NAP1L1: variants seen among roughly 807,000 people sequenced by gnomAD.
NAP1L1 encodes the protein nucleosome assembly protein 1 like 1.
NAP1L1 carries 9 observed loss-of-function variants against 58.9 expected under a neutral mutation model. The ratio of observed to expected loss-of-function variants is 0.15; its 90% CI spans 0.09 to 0.27. The LOEUF (loss-of-function observed/expected upper bound fraction) is 0.27, where lower values mean the gene tolerates loss of function less well. NAP1L1 is among the 10% of genes least tolerant of loss of function. The pLI is 1.00. For synonymous variants in NAP1L1, 130 were observed against 138.3 expected (o/e 0.94, Z 0.42); for missense variants, 302 against 458.8 (o/e 0.66, Z 3.12).
chr12:76,069,134 C>A, intron 2 of NAP1L1, 140 bp from the exon 3 acceptor site: 1 of 643,322 alleles, frequency 1.6e-6, no homozygotes, highest in Non-Finnish European at 2.7e-6. Context: ...ATTCCGTTTT[C>A]TAACTTCATA....
At chr12:76,057,339 A>G in intron 6 of NAP1L1, 1 of 363,952 alleles carries the variant, frequency 2.7e-6, no homozygotes, top group Non-Finnish European at 5.2e-6. Context: ...TTTTGAGTAC[A>G]GATGGTGGTG....
At chr12:76,072,339 A>G (rs1949993654) in intron 2 of NAP1L1, among the ~76,000 whole-genome samples, 1 of 151,784 alleles carries the variant, frequency 6.6e-6, no homozygotes, top group African/African-American at 2.4e-5. Flanking sequence ...AGAACGAAGC[A>G]GGTCTTGGAA....
Position 76,048,258 on chromosome 12 carries a change from G to C in NAP1L1, c.*171C>G, listed in dbSNP as rs1455373585. 3 of 606,602 alleles carry C rather than the reference G, an allele frequency of 4.9e-6. No individual in the cohort carries two copies. The Admixed American group carries it at 1.0e-4, about 20-fold the overall frequency. The allele number at this position is 606,602 out of a possible 1,614,324, so 37.6% of individuals were successfully genotyped here. ...TTCAACATAGCTGGCAGAAAAACTAGTTAAAATGCTAGGTAGAACAAATTG... is the reference window on the plus strand; with the variant it reads ...TTCAACATAGCTGGCAGAAAAACTACTTAAAATGCTAGGTAGAACAAATTG... On this transcript the variant is annotated 3_prime_UTR_variant, in exon 15 of 15. Transcript: ENST00000618691.
chr12:76,060,024 C>T (rs1444211255), intron 5 of NAP1L1, 114 bp downstream of exon 5: 1 of 1,256,442 alleles, frequency 8.0e-7, no homozygotes, highest in Admixed American at 2.4e-5. Flanking sequence ...CAAGTGCTGC[C>T]TCTAATAACA....
At chr12:76,065,543 A>C (rs1949622211) in intron 4 of NAP1L1, among the ~76,000 whole-genome samples, 1 of 152,014 alleles carries the variant, frequency 6.6e-6, no homozygotes, top group Non-Finnish European at 1.5e-5. Context: ...AAAAAAAAAA[A>C]AAACAGCAAT....
intron 6 of NAP1L1, chr12:76,057,670 GAAT>G (rs1389701473): frequency 3.3e-5 from 48 of 1,462,666 alleles, no homozygotes; most frequent in South Asian, 3.1e-4. Context: ...AGAGTACTGT[GAAT>G]ATATGCCTGA....
In NAP1L1 at chr12:76,050,637, G is replaced by C; in HGVS notation, c.953C>G (p.Ala318Gly). 1 of 1,604,720 alleles carries C rather than the reference G, an allele frequency of 6.2e-7. No homozygotes were observed. The highest frequency in any genetic ancestry group is 8.5e-7 in the Non-Finnish European group (1 of 1,177,686). The stretch of plus-strand genomic sequence containing the variant: ...AATTTCGAAGTCTGCAGCAAGGATA[G>C]CTTCAGCATCATCATCCTATTTTTA... ...ESGDLDDDAE[A>G]ILAADFEIGH... is the part of the protein sequence containing the mutation. The change falls in exon 12 of 15, where the codon GCT becomes GGT. Residue 318 changes from alanine to glycine, a missense_variant. Physicochemically the swap from Ala to Gly is moderately conservative, Grantham distance 60. Coordinates refer to ENST00000618691, the MANE Select transcript of NAP1L1 (RefSeq NM_004537.7).
chr12:76,070,732 T>A (rs2137067862), intron 2 of NAP1L1, among the ~76,000 whole-genome samples: 1 of 152,328 alleles, frequency 6.6e-6, no homozygotes, highest in South Asian at 2.1e-4. Context: ...GAAACCTCCC[T>A]ACCAAAATCC....
chr12:76,052,462 A>G (rs1948887925), intron 11 of NAP1L1, among the ~76,000 whole-genome samples: 1 of 152,244 alleles, frequency 6.6e-6, no homozygotes. Flanking sequence ...AGTCTTAGCC[A>G]AGAGTATTCC....
chr12:76,046,237 T>C lies in NAP1L1; in HGVS notation c.*2192A>G, dbSNP rs548744072. ...GGTTACATACTTCAAATTTCTAGAA[T>C]GGAATGGAATCATTTTGGAACTGGA... is the stretch of plus-strand genomic sequence containing the variant. On this transcript the variant is annotated 3_prime_UTR_variant, in exon 15 of 15. Coordinates refer to ENST00000618691, the MANE Select transcript of NAP1L1 (RefSeq NM_004537.7). The C allele has an allele frequency of 7.2e-5, 11 of 152,274 alleles. No individual in the cohort carries two copies. The highest frequency in any genetic ancestry group is 1.5e-4 in the Non-Finnish European group (10 of 67,902). The allele number at this position is 152,274 out of a possible 1,614,324, so 9.4% of individuals were successfully genotyped here.
intron 1 of NAP1L1, among the ~76,000 whole-genome samples, chr12:76,077,237 T>C (rs1209208124): frequency 6.6e-6 from 1 of 152,200 alleles, no homozygotes; most frequent in Non-Finnish European, 1.5e-5. Flanking sequence ...TACAGAACAT[T>C]AACAGGAGGC....
At position 76,037,699 on chromosome 12, in the gene NAP1L1, C is replaced by A. The variant is rs745496363; in HGVS notation, c.*10730G>T. On this transcript the variant is annotated 3_prime_UTR_variant, in exon 15 of 15. Transcript: ENST00000618691. ...CAGCCTCCAATTTACCTTCCCAAAT[C>A]CTCTGTAAACCTTTCATTCTTCAAA... The A allele has an allele frequency of 6.6e-6, 1 of 152,200 alleles. No individual in the cohort carries two copies. The highest frequency in any genetic ancestry group is 2.4e-5 in the African/African-American group (1 of 41,426). 9.4% of individuals were successfully genotyped at this position (152,200 alleles called of 1,614,324 possible).
At chr12:76,069,142 A>G (rs1592678058) in intron 2 of NAP1L1, 148 bp from the exon 3 acceptor site, 1 of 626,360 alleles carries the variant, frequency 1.6e-6, no homozygotes. Flanking sequence ...TTCTAACTTC[A>G]TATGTAAACA....
At chr12:76,076,548 A>AT (rs1950176978) in intron 1 of NAP1L1, among the ~76,000 whole-genome samples, 2 of 92,264 alleles carry the variant, frequency 2.2e-5, no homozygotes, top group South Asian at 3.9e-4. Context: ...TTGGATATGG[A>AT]AATATATATA....
At chr12:76,060,022 G>A in intron 5 of NAP1L1, 116 bp downstream of exon 5, 1 of 1,235,910 alleles carries the variant, frequency 8.1e-7, no homozygotes, top group Non-Finnish European at 1.1e-6. Context: ...TCCAAGTGCT[G>A]CCTCTAATAA....
At chr12:76,070,366 C>A (rs1360718644) in intron 2 of NAP1L1, among the ~76,000 whole-genome samples, 2 of 152,170 alleles carry the variant, frequency 1.3e-5, no homozygotes, top group Non-Finnish European at 2.9e-5. Context: ...CGTCCGCCTT[C>A]CAAAATCCTG....
In NAP1L1 at chr12:76,047,428, T is replaced by C. The variant is rs1346201628; in HGVS notation, c.*1001A>G. 1.6e-5 allele frequency: 2 copies of C among 124,516 alleles called. No homozygotes were observed. Among genetic ancestry groups the C allele is most frequent in the African/African-American group, 7.2e-5 (2 of 27,928 alleles). 7.7% of individuals were successfully genotyped at this position (124,516 alleles called of 1,614,324 possible). A position where few individuals can be genotyped will look rare whatever the true frequency, so the allele number is the denominator to read the frequency against. On this transcript the variant is annotated 3_prime_UTR_variant, in exon 15 of 15. Coordinates refer to ENST00000618691, the MANE Select transcript of NAP1L1 (RefSeq NM_004537.7). Reference sequence around the variant, plus strand: ...TCAATCACTTAAGATTTTCTTCCTCTTTTTTTTTTTTTTTTACACTTGCTT... The same window carrying C: ...TCAATCACTTAAGATTTTCTTCCTCCTTTTTTTTTTTTTTTACACTTGCTT...
rs1948559475 is a variant in NAP1L1 at position 76,042,388 on chromosome 12, A to C, written c.*6041T>G. 6.6e-6 allele frequency: 1 copy of C among 152,202 alleles called. No individual in the cohort carries two copies. Among genetic ancestry groups the C allele is most frequent in the Non-Finnish European group, 1.5e-5 (1 of 68,050 alleles). The allele number at this position is 152,202 out of a possible 1,614,324, so 9.4% of individuals were successfully genotyped here. The stretch of plus-strand genomic sequence containing the variant: ...TGCTGAACCAACAGGTGGTAGACAG[A>C]CTCTAAAGCCTGTGTTTAAAGACAC... On this transcript the variant is annotated 3_prime_UTR_variant, in exon 15 of 15. Coordinates refer to ENST00000618691, the MANE Select transcript of NAP1L1 (RefSeq NM_004537.7).
chr12:76,064,136 C>T (rs1033526238), intron 4 of NAP1L1, among the ~76,000 whole-genome samples: 2 of 151,956 alleles, frequency 1.3e-5, no homozygotes, highest in Admixed American at 6.6e-5. Context: ...CAGAGTAAGG[C>T]CTTGTCATAA....
Sources: gnomAD v4.1 joint callset for allele counts (sites outside exome capture counted in the v4.1 genomes callset) on GRCh38, gnomAD v4.1.1 for gene constraint, MANE v1.5 for transcripts, NCBI Gene and HGNC (gene_info 2026-07-23, HGNC 2026-07-21) for gene names.